Variants in C4BPA observed in about 807,000 individuals in gnomAD.
C4BPA encodes the protein complement component 4 binding protein alpha, also known as C4b-binding protein alpha chain.
Under a neutral mutation model 63.7 loss-of-function variants are expected in C4BPA, and 31 were observed. That is an observed-to-expected ratio of 0.49 (90% CI 0.37 to 0.66). The LOEUF (loss-of-function observed/expected upper bound fraction) is 0.66, where lower values mean the gene tolerates loss of function less well. Ranked by LOEUF, C4BPA falls within the 30% of genes least tolerant of loss-of-function variation. The pLI is 0.00. For synonymous variants in C4BPA, 259 were observed against 254.7 expected, an observed-to-expected ratio of 1.02 and a Z score of -0.16; for missense variants, 572 against 723.3, an observed-to-expected ratio of 0.79 and a Z score of 2.40.
chr1:207,128,814 A>G (rs1384658423), intron 7 of C4BPA, among the ~76,000 whole-genome samples: 2 of 152,220 alleles, frequency 1.3e-5, no homozygotes, highest in African/African-American at 4.8e-5. Context: ...GTAAGGGAGA[A>G]TCAATATCCA....
intron 1 of C4BPA, among the ~76,000 whole-genome samples, chr1:207,105,557 CAAAAAAAAAAA>C (rs544639312): frequency 1.5e-5 from 1 of 65,706 alleles, no homozygotes; most frequent in Non-Finnish European, 3.3e-5. Context: ...AACTCCACCT[CAAAAAAAAAAA>C]AAAAAGAAAA....
chr1:207,144,074 C>A (rs1685480450), intron 11 of C4BPA, 81 bp downstream of exon 11: 1 of 983,208 alleles, frequency 1.0e-6, no homozygotes, highest in Non-Finnish European at 1.5e-6. Flanking sequence ...TACCACTCAA[C>A]AATGGTGAAA....
chr1:207,130,484 C>T (rs1005223516), intron 7 of C4BPA, among the ~76,000 whole-genome samples: 1 of 152,102 alleles, frequency 6.6e-6, no homozygotes, highest in Non-Finnish European at 1.5e-5. Context: ...TATGTCCACA[C>T]ACAAAAATTT....
intron 9 of C4BPA, among the ~76,000 whole-genome samples, chr1:207,137,464 G>A (rs1405886521): frequency 6.6e-6 from 1 of 152,202 alleles, no homozygotes; most frequent in African/African-American, 2.4e-5. Context: ...AGAACTCAAA[G>A]TGGTGTCGGG....
intron 1 of C4BPA, among the ~76,000 whole-genome samples, chr1:207,107,029 G>A (rs1684575514): frequency 6.6e-6 from 1 of 152,166 alleles, no homozygotes; most frequent in African/African-American, 2.4e-5. Context: ...GGAGGCAAAA[G>A]CAAATAGATA....
intron 9 of C4BPA, among the ~76,000 whole-genome samples, chr1:207,137,070 C>G (rs1685293916): frequency 6.6e-6 from 1 of 152,206 alleles, no homozygotes; most frequent in African/African-American, 2.4e-5. Flanking sequence ...TATAAAATAT[C>G]TTGCTTTGGC....
At chr1:207,104,980 G>A (rs1684529438) in intron 1 of C4BPA, among the ~76,000 whole-genome samples, 1 of 152,308 alleles carries the variant, frequency 6.6e-6, no homozygotes, top group South Asian at 2.1e-4. Flanking sequence ...AGTCTTAGTC[G>A]TCCTCATCTT....
At chr1:207,108,590 G>C (rs1458291045) in intron 1 of C4BPA, among the ~76,000 whole-genome samples, 2 of 152,160 alleles carry the variant, frequency 1.3e-5, no homozygotes, top group Non-Finnish European at 2.9e-5. Flanking sequence ...AGACAAGCCT[G>C]AATAGCTTAA....
At position 207,124,260 on chromosome 1, in the gene C4BPA, C is replaced by T; in HGVS notation, c.600C>T (p.Thr200=). ...TCTACGCATACGGCTTTTCTGTCAC[C>T]TACAGCTGTGACCCCCGCTTCTCAC... ...ENFYAYGFSV[T]YSCDPRFSLL... Residue 200 remains threonine (T), a synonymous_variant, in exon 6 of 12, where the codon ACC becomes ACT. Transcript: ENST00000367070. 6.2e-7 allele frequency: 1 copy of T among 1,613,778 alleles called. No homozygotes were observed. Among genetic ancestry groups the T allele is most frequent in the Non-Finnish European group, 8.5e-7 (1 of 1,179,768 alleles).
At chr1:207,110,117 T>G (rs1481487464) in intron 1 of C4BPA, among the ~76,000 whole-genome samples, 1 of 152,192 alleles carries the variant, frequency 6.6e-6, no homozygotes, top group Admixed American at 6.5e-5. Context: ...TGTGGTTTAG[T>G]GGTGAAGGCA....
Position 207,123,941 on chromosome 1 carries a change from A to C in C4BPA, c.448A>C (p.Thr150Pro). The C allele has an allele frequency of 6.2e-7, 1 of 1,609,744 alleles. No individual in the cohort carries two copies. The highest frequency in any genetic ancestry group is 8.5e-7 in the Non-Finnish European group (1 of 1,176,946). The stretch of plus-strand genomic sequence containing the variant: ...ATTCAGATTTTTCTTAATTGGCTCA[A>C]CCACTAGTCGTTGTGAAGTCCAAGA... ...CSEGFFLIGS[T>P]TSRCEVQDRG... Residue 150 changes from threonine to proline, a missense_variant, in exon 5 of 12, where the codon ACC becomes CCC. Thr to Pro is a conservative substitution (Grantham distance 38). Around this residue, in one of 2 missense-constraint regions of C4BPA, gnomAD observed 465 missense variants for 629.4 expected, o/e 0.74. Coordinates refer to ENST00000367070, the MANE Select transcript of C4BPA (RefSeq NM_000715.4).
At position 207,131,729 on chromosome 1, in the gene C4BPA, A is replaced by G. The variant is rs1685165786; in HGVS notation, c.1073A>G (p.Gln358Arg). The change falls in exon 8 of 12, where the codon CAA becomes CGA. Residue 358 changes from glutamine (Q) to arginine (R), a missense_variant. By Grantham distance (43) the Gln-to-Arg change is conservative (BLOSUM62 1). Transcript: ENST00000367070. ...CQKNLRWTPY[Q>R]GCEALCCPEP... ...AAAAATTTGAGATGGACCCCATACCAAGGATGTGAGGGTGAGTTTTTGTTT... is the reference window on the plus strand; with the variant it reads ...AAAAATTTGAGATGGACCCCATACCGAGGATGTGAGGGTGAGTTTTTGTTT... 1 of 1,610,910 alleles carries G rather than the reference A, an allele frequency of 6.2e-7. No homozygotes were observed. The highest frequency in any genetic ancestry group is 2.2e-5 in the East Asian group (1 of 44,800).
chr1:207,144,751 C>G lies in C4BPA; in HGVS notation c.*34C>G. On this transcript the variant is annotated 3_prime_UTR_variant, in exon 12 of 12. Coordinates refer to ENST00000367070, the MANE Select transcript of C4BPA (RefSeq NM_000715.4). Reference sequence around the variant, plus strand: ...AAAAGAAGGAGGAAAAGGTGTCTTGCTGGCTTGCCTCTTGCAATTCAATAC... The same window carrying G: ...AAAAGAAGGAGGAAAAGGTGTCTTGGTGGCTTGCCTCTTGCAATTCAATAC... The G allele has an allele frequency of 6.6e-7, 1 of 1,511,414 alleles. No individual in the cohort carries two copies. The highest frequency in any genetic ancestry group is 9.0e-7 in the Non-Finnish European group (1 of 1,110,666). 93.6% of individuals were successfully genotyped at this position (1,511,414 alleles called of 1,614,324 possible).
intron 1 of C4BPA, among the ~76,000 whole-genome samples, chr1:207,106,452 T>TTTTTTTTG: frequency 7.4e-6 from 1 of 134,786 alleles, no homozygotes; most frequent in Non-Finnish European, 1.6e-5. Flanking sequence ...TTTTTTTTTT[T>TTTTTTTTG]TTTTTGAAAC....
chr1:207,106,443 T>TTTTTTTTG lies in C4BPA; in HGVS notation c.-26+2020_-26+2021insGTTTTTTT, dbSNP rs1163902689. ...GTCTTATTCCTTCCTCCGTGTAAGT[T>TTTTTTTTG]TTTTTTTTTTTTTTGAAACGGAGTC... is the stretch of plus-strand genomic sequence containing the variant. On this transcript the variant is annotated intron_variant, in intron 1 of 11. Coordinates refer to ENST00000367070, the MANE Select transcript of C4BPA (RefSeq NM_000715.4). Among the ~76,000 whole-genome samples, 184 of 115,062 alleles carry TTTTTTTTG rather than the reference T, an allele frequency of 1.6e-3. 7 individuals are homozygous for TTTTTTTTG. The highest frequency in any genetic ancestry group is 6.7e-3 in the African/African-American group (157 of 23,300). 75.5% of individuals were successfully genotyped at this position (115,062 alleles called of 152,430 possible). A position where few individuals can be genotyped will look rare whatever the true frequency, so the allele number is the denominator to read the frequency against.
At chr1:207,143,456 C>T (rs555952078) in intron 10 of C4BPA, among the ~76,000 whole-genome samples, 1 of 152,116 alleles carries the variant, frequency 6.6e-6, no homozygotes, top group South Asian at 2.1e-4. Context: ...GTAGATTCTG[C>T]ACATGTATCC....
At chr1:207,134,265 A>G (rs1685230949) in intron 8 of C4BPA, 139 bp from the exon 9 acceptor site, 7 of 622,258 alleles carry the variant, frequency 1.1e-5, no homozygotes, top group Admixed American at 8.8e-5. Flanking sequence ...GCAGACTTGG[A>G]GTGTCTTGGG....
At chr1:207,123,166 G>C (rs1684954386) in intron 4 of C4BPA, among the ~76,000 whole-genome samples, 1 of 152,136 alleles carries the variant, frequency 6.6e-6, no homozygotes. Flanking sequence ...CTCTGGGCTA[G>C]GTTGGAAAAA....
At chr1:207,104,951 G>T (rs528885569) in intron 1 of C4BPA, among the ~76,000 whole-genome samples, 106 of 152,370 alleles carry the variant, frequency 7.0e-4, no homozygotes, top group African/African-American at 2.5e-3. Flanking sequence ...CCAGCCTCCA[G>T]TTGGTTTCTG....
Sources: gnomAD v4.1 joint callset for allele counts (sites outside exome capture counted in the v4.1 genomes callset) on GRCh38, gnomAD v4.1.1 for gene constraint, gnomAD v4.1.1 regional missense constraint, MANE v1.5 for transcripts, NCBI Gene and HGNC (gene_info 2026-07-23, HGNC 2026-07-21) for gene names.